The following PDLIM5 variants were observed in gnomAD, a reference collection of about 807,000 sequenced individuals.
PDLIM5 encodes PDZ and LIM domain protein 5.
In PDLIM5, 34 loss-of-function variants were observed where a neutral mutation model predicts 64.2. That is an observed-to-expected ratio of 0.53 (90% CI 0.40 to 0.71). The LOEUF is 0.71. Ranked by LOEUF, PDLIM5 falls within the 30% of genes least tolerant of loss-of-function variation. The probability of loss-of-function intolerance (pLI) is 0.00; values close to 1 mark genes in which losing one functional copy is unlikely to be tolerated. For synonymous variants in PDLIM5, 253 were observed against 269.1 expected, an observed-to-expected ratio of 0.94 and a Z score of 0.59; for missense variants, 683 against 733.6, an observed-to-expected ratio of 0.93 and a Z score of 0.80.
chr4:94,460,840 G>A (rs1423627192), intron 2 of PDLIM5, among the ~76,000 whole-genome samples: 1 of 152,146 alleles, frequency 6.6e-6, no homozygotes, highest in African/African-American at 2.4e-5. Context: ...GATTTTCTTT[G>A]ATGTATGGGA....
At chr4:94,456,188 G>A (rs910260545) in intron 2 of PDLIM5, 5 of 439,414 alleles carry the variant, frequency 1.1e-5, no homozygotes, top group Non-Finnish European at 2.0e-5. Flanking sequence ...TACTCAAATG[G>A]TGGCATATTA....
At chr4:94,604,872 T>TA (rs1737791385) in intron 7 of PDLIM5, among the ~76,000 whole-genome samples, 1 of 152,178 alleles carries the variant, frequency 6.6e-6, no homozygotes. Context: ...CCACAGTTTT[T>TA]AAAATGAGGA....
chr4:94,582,232 CTTA>C (rs1183292012), intron 5 of PDLIM5, among the ~76,000 whole-genome samples: 6 of 152,096 alleles, frequency 3.9e-5, no homozygotes, highest in Admixed American at 2.0e-4. Flanking sequence ...AGATTTTTCT[CTTA>C]TTCTCTTCTG....
intron 5 of PDLIM5, chr4:94,579,432 T>C: frequency 1.8e-6 from 1 of 549,716 alleles, no homozygotes; most frequent in South Asian, 3.4e-5. Flanking sequence ...TTCTAACAGC[T>C]CCTGTGTGAT....
Position 94,575,765 on chromosome 4 carries a change from G to A in PDLIM5, c.441G>A (p.Ser147=), listed in dbSNP as rs376748585. The stretch of plus-strand genomic sequence containing the variant: ...AAGTCACATCCATCCCATCACCATC[G>A]TCTGCCTTCACCCCAGCCCATGCGA... ...SPKVTSIPSP[S]SAFTPAHATT... is the part of the protein sequence containing the mutation. The change falls in exon 5 of 13, where the codon TCG becomes TCA. Residue 147 remains serine (S), a synonymous_variant. Coordinates refer to ENST00000317968, the MANE Select transcript of PDLIM5 (RefSeq NM_006457.5). 206 of 1,613,814 alleles carry A rather than the reference G, an allele frequency of 1.3e-4. No individual in the cohort carries two copies. Among genetic ancestry groups the A allele is most frequent in the African/African-American group, 3.6e-4 (27 of 74,832 alleles).
chr4:94,453,445 A>G (rs1723042686), intron 1 of PDLIM5, among the ~76,000 whole-genome samples: 1 of 152,206 alleles, frequency 6.6e-6, no homozygotes, highest in African/African-American at 2.4e-5. Context: ...TTTTAATAAC[A>G]AATGAGAGAA....
chr4:94,468,223 G>A (rs1724545979), intron 2 of PDLIM5, among the ~76,000 whole-genome samples: 1 of 152,048 alleles, frequency 6.6e-6, no homozygotes, highest in African/African-American at 2.4e-5. Context: ...CACAATCAGA[G>A]CTCCATGCAG....
intron 3 of PDLIM5, among the ~76,000 whole-genome samples, chr4:94,530,039 G>A (rs1314600518): frequency 2.6e-5 from 4 of 152,062 alleles, no homozygotes; most frequent in East Asian, 1.9e-4. Flanking sequence ...CTATGAAAAA[G>A]GTGTTTAACT....
At chr4:94,486,394 C>T (rs1726343031) in intron 2 of PDLIM5, among the ~76,000 whole-genome samples, 1 of 152,138 alleles carries the variant, frequency 6.6e-6, no homozygotes, top group Non-Finnish European at 1.5e-5. Context: ...TGTAAGTGAG[C>T]TCTGTAGACC....
At chr4:94,482,468 ATTTAC>A (rs143321134) in intron 2 of PDLIM5, among the ~76,000 whole-genome samples, 2,714 of 152,100 alleles carry the variant, frequency 0.018, 62 homozygotes, top group African/African-American at 0.055. Flanking sequence ...TCGCTTTTTT[ATTTAC>A]TTTAGTTTTG....
At chr4:94,497,463 G>T (rs749686297) in intron 2 of PDLIM5, among the ~76,000 whole-genome samples, 1 of 152,046 alleles carries the variant, frequency 6.6e-6, no homozygotes, top group Non-Finnish European at 1.5e-5. Flanking sequence ...TACACTCACT[G>T]AACTATATAA....
At chr4:94,570,508 T>C (rs1356529712) in intron 3 of PDLIM5, among the ~76,000 whole-genome samples, 1 of 152,226 alleles carries the variant, frequency 6.6e-6, no homozygotes, top group Non-Finnish European at 1.5e-5. Context: ...TGTACTTTTG[T>C]TTATAGGAAA....
intron 3 of PDLIM5, among the ~76,000 whole-genome samples, chr4:94,534,137 G>A (rs573807973): frequency 1.3e-5 from 2 of 152,216 alleles, no homozygotes; most frequent in South Asian, 2.1e-4. Flanking sequence ...CTAACTCCTC[G>A]TGTTCATCTT....
chr4:94,558,062 T>A (rs1453182144), intron 3 of PDLIM5, among the ~76,000 whole-genome samples: 1 of 152,220 alleles, frequency 6.6e-6, no homozygotes, highest in African/African-American at 2.4e-5. Flanking sequence ...GTAGCTCTTA[T>A]TATTTTGAGA....
intron 8 of PDLIM5, among the ~76,000 whole-genome samples, chr4:94,625,443 T>C (rs772769092): frequency 2.0e-5 from 3 of 152,046 alleles, no homozygotes; most frequent in Non-Finnish European, 2.9e-5. Context: ...TATTTTATCA[T>C]TTAATATTAG....
At chr4:94,622,091 T>A (rs1409302900) in intron 8 of PDLIM5, among the ~76,000 whole-genome samples, 1 of 152,272 alleles carries the variant, frequency 6.6e-6, no homozygotes. Context: ...AAAACAAAAT[T>A]CCCAGCCACT....
intron 7 of PDLIM5, among the ~76,000 whole-genome samples, chr4:94,601,294 G>A (rs1272798798): frequency 6.6e-6 from 1 of 152,120 alleles, no homozygotes; most frequent in African/African-American, 2.4e-5. Context: ...GCTCTCTGAG[G>A]TATCTCTTAT....
intron 5 of PDLIM5, among the ~76,000 whole-genome samples, chr4:94,576,679 C>A (rs919404108): frequency 1.3e-5 from 2 of 152,204 alleles, no homozygotes; most frequent in Non-Finnish European, 2.9e-5. Flanking sequence ...TAAACGTTTT[C>A]TGAAATGAGT....
At chr4:94,640,042 A>AT (rs2110456842) in intron 8 of PDLIM5, among the ~76,000 whole-genome samples, 1 of 152,004 alleles carries the variant, frequency 6.6e-6, no homozygotes, top group East Asian at 1.9e-4. Context: ...AAAAAAAAAA[A>AT]TTCTATGCAT....
Sources: gnomAD v4.1 joint callset for allele counts (sites outside exome capture counted in the v4.1 genomes callset) on GRCh38, gnomAD v4.1.1 for gene constraint, MANE v1.5 for transcripts, NCBI Gene and HGNC (gene_info 2026-07-23, HGNC 2026-07-21) for gene names.